Variants in THSD7B observed in about 807,000 individuals in gnomAD.
THSD7B encodes the protein thrombospondin type-1 domain-containing protein 7B.
In THSD7B, 138 loss-of-function variants were observed where a neutral mutation model predicts 213.6. The observed-to-expected ratio is 0.65, with a 90% CI of 0.56 to 0.74. The LOEUF is 0.74. Among genes scored for constraint, THSD7B ranks in the 30% least tolerant of loss-of-function variants. THSD7B has a pLI of 0.00. For synonymous variants in THSD7B, 742 were observed against 687.0 expected (o/e 1.08, Z -1.25); for missense variants, 1,931 against 1,991.5 (o/e 0.97, Z 0.58).
chr2:137,501,165 A>G (rs1016378665), intron 15 of THSD7B, among the ~76,000 whole-genome samples: 9 of 152,190 alleles, frequency 5.9e-5, no homozygotes, highest in African/African-American at 1.9e-4. Context: ...TCATAAAACT[A>G]AACATTCACT....
Position 137,496,463 on chromosome 2 carries a change from G to A in THSD7B, c.3138+45440G>A, listed in dbSNP as rs1307440783. Among the ~76,000 whole-genome samples, 4 of 152,212 alleles carry A rather than the reference G, an allele frequency of 2.6e-5. No homozygotes were observed. The East Asian group carries it at 7.7e-4, about 29-fold the overall frequency. On this transcript the variant is annotated intron_variant, in intron 15 of 27. Coordinates refer to ENST00000409968, the MANE Select transcript of THSD7B (RefSeq NM_001316349.2). ...TAATGGGCCTATTTTCTACCTCTTT[G>A]AGTCCTTTTTGTTTTGTGTGCATTT...
intron 3 of THSD7B, among the ~76,000 whole-genome samples, chr2:137,086,323 C>G (rs946422525): frequency 1.3e-5 from 2 of 151,846 alleles, no homozygotes; most frequent in Non-Finnish European, 2.9e-5. Flanking sequence ...GGCAACAGAG[C>G]AAGACCCCAC....
intron 2 of THSD7B, among the ~76,000 whole-genome samples, chr2:136,884,590 C>T (rs992339204): frequency 6.6e-6 from 1 of 152,096 alleles, no homozygotes; most frequent in Admixed American, 6.6e-5. Flanking sequence ...GAATGGTGCA[C>T]CTGAAAATAT....
At chr2:136,893,400 C>T (rs1031501831) in intron 2 of THSD7B, among the ~76,000 whole-genome samples, 15 of 152,258 alleles carry the variant, frequency 9.9e-5, no homozygotes, top group Non-Finnish European at 2.2e-4. Flanking sequence ...GGAAATGTCT[C>T]CCTGCACCTT....
intron 9 of THSD7B, among the ~76,000 whole-genome samples, chr2:137,233,514 T>A (rs980210259): frequency 6.6e-6 from 1 of 152,176 alleles, no homozygotes; most frequent in Non-Finnish European, 1.5e-5. Flanking sequence ...GGGTTGTGTC[T>A]TACTCTTCTT....
intron 2 of THSD7B, among the ~76,000 whole-genome samples, chr2:136,960,951 A>G (rs1054301964): frequency 1.3e-5 from 2 of 151,366 alleles, no homozygotes; most frequent in Non-Finnish European, 2.9e-5. Context: ...TAGCTGGGCA[A>G]GGTGGCGGGC....
At chr2:136,837,812 T>A (rs189149613) in intron 1 of THSD7B, among the ~76,000 whole-genome samples, 81 of 152,346 alleles carry the variant, frequency 5.3e-4, no homozygotes, top group Admixed American at 4.5e-3. Context: ...GTCATTTCTT[T>A]ATATATCCTC....
At chr2:137,563,180 G>C (rs1200973754) in intron 15 of THSD7B, 41 bp from the exon 16 acceptor site, 1 of 1,600,088 alleles carries the variant, frequency 6.2e-7, no homozygotes, top group Middle Eastern at 1.7e-4. Flanking sequence ...CTATAAGTTG[G>C]ATAGTTCCAC....
At chr2:137,268,425 T>C (rs1682653700) in intron 10 of THSD7B, among the ~76,000 whole-genome samples, 1 of 151,942 alleles carries the variant, frequency 6.6e-6, no homozygotes, top group South Asian at 2.1e-4. Flanking sequence ...GTCCTTGTGA[T>C]AGTTTGCCGA....
chr2:137,496,055 G>A (rs1014293460), intron 15 of THSD7B, among the ~76,000 whole-genome samples: 2 of 151,740 alleles, frequency 1.3e-5, no homozygotes, highest in African/African-American at 4.8e-5. Flanking sequence ...AAATAGCATG[G>A]GCTCCAAATC....
At chr2:137,260,387 A>C (rs1305056177) in intron 10 of THSD7B, among the ~76,000 whole-genome samples, 8 of 152,158 alleles carry the variant, frequency 5.3e-5, no homozygotes. Context: ...TAGTTGAAAC[A>C]AGGTAGGTCA....
intron 1 of THSD7B, among the ~76,000 whole-genome samples, chr2:136,851,989 A>G (rs1425977220): frequency 1.3e-5 from 2 of 151,958 alleles, no homozygotes; most frequent in African/African-American, 4.8e-5. Context: ...AGACACTCAT[A>G]TCTTATTCCC....
chr2:136,985,306 C>G (rs983795487), intron 2 of THSD7B, among the ~76,000 whole-genome samples: 9 of 152,272 alleles, frequency 5.9e-5, no homozygotes, highest in African/African-American at 2.2e-4. Flanking sequence ...ATCACAGCCC[C>G]AGAGACCTCG....
intron 2 of THSD7B, among the ~76,000 whole-genome samples, chr2:136,909,427 C>T (rs1684222216): frequency 6.6e-6 from 1 of 152,130 alleles, no homozygotes; most frequent in African/African-American, 2.4e-5. Flanking sequence ...TGTTTGTGCT[C>T]CTGGAACAGA....
At chr2:136,905,632 A>G (rs1311389294) in intron 2 of THSD7B, among the ~76,000 whole-genome samples, 1 of 152,238 alleles carries the variant, frequency 6.6e-6, no homozygotes, top group Non-Finnish European at 1.5e-5. Flanking sequence ...ACTAAGCTTC[A>G]GTAGCATGTT....
intron 7 of THSD7B, among the ~76,000 whole-genome samples, chr2:137,209,674 T>C (rs1040363221): frequency 1.3e-5 from 2 of 152,092 alleles, no homozygotes; most frequent in African/African-American, 4.8e-5. Context: ...AACAATTTAT[T>C]TATTTACATG....
chr2:137,646,650 T>TTAATAATAATAATAATAATAA (rs147054450), intron 21 of THSD7B, among the ~76,000 whole-genome samples: 67 of 130,194 alleles, frequency 5.1e-4, no homozygotes, highest in South Asian at 7.5e-4. Context: ...ACACTCCATC[T>TTAATAATAATAATAATAATAA]TAATAATAAT....
chr2:136,869,746 A>G (rs1170221383), intron 1 of THSD7B, among the ~76,000 whole-genome samples: 1 of 152,202 alleles, frequency 6.6e-6, no homozygotes, highest in Non-Finnish European at 1.5e-5. Flanking sequence ...TAATTTGTTC[A>G]TCTAAGACAC....
At chr2:136,889,798 A>G (rs1442910491) in intron 2 of THSD7B, among the ~76,000 whole-genome samples, 1 of 152,092 alleles carries the variant, frequency 6.6e-6, no homozygotes, top group Non-Finnish European at 1.5e-5. Flanking sequence ...CTGCATAGTC[A>G]TCATCTGTGG....
Sources: gnomAD v4.1 joint callset for allele counts (sites outside exome capture counted in the v4.1 genomes callset) on GRCh38, gnomAD v4.1.1 for gene constraint, MANE v1.5 for transcripts, NCBI Gene and HGNC (gene_info 2026-07-23, HGNC 2026-07-21) for gene names.